ATRNL1: variants seen among roughly 807,000 people sequenced by gnomAD.
The protein encoded by ATRNL1 is attractin like 1, also known as attractin-like protein 1.
ATRNL1 carries 95 observed loss-of-function variants against 182.7 expected under a neutral mutation model. That is an observed-to-expected ratio of 0.52 (90% CI 0.44 to 0.62). The LOEUF is 0.62. Among genes scored for constraint, ATRNL1 ranks in the 20% least tolerant of loss-of-function variants. The probability of loss-of-function intolerance (pLI) is 0.00; values close to 1 mark genes in which losing one functional copy is unlikely to be tolerated. For missense variants in ATRNL1, 1,471 were observed against 1,679.5 expected (o/e 0.88, Z 2.17); for synonymous variants, 576 against 568.3 (o/e 1.01, Z -0.19).
At chr10:115,474,559 T>A (rs782087222) in intron 24 of ATRNL1, among the ~76,000 whole-genome samples, 13 of 150,984 alleles carry the variant, frequency 8.6e-5, no homozygotes, top group Non-Finnish European at 1.5e-4. Flanking sequence ...CTGTTGTGGG[T>A]GAAATAGAGC....
At chr10:115,634,817 G>A (rs1245485030) in intron 26 of ATRNL1, among the ~76,000 whole-genome samples, 4 of 151,876 alleles carry the variant, frequency 2.6e-5, no homozygotes, top group Admixed American at 6.6e-5. Context: ...TAGATGTGCC[G>A]GCAAGATGGC....
In ATRNL1 at chr10:115,763,477, G is replaced by A. The variant is rs554893354; in HGVS notation, c.3903+36122G>A. Among the ~76,000 whole-genome samples the A allele has an allele frequency of 9.2e-5, 14 of 152,268 alleles. No individual in the cohort carries two copies. The South Asian group carries it at 2.9e-3, about 32-fold the overall frequency. On this transcript the variant is annotated intron_variant, in intron 27 of 28. Coordinates refer to ENST00000355044, the MANE Select transcript of ATRNL1 (RefSeq NM_207303.4). ...GAGCAGGATCTTGAAAAAGAAAAAA[G>A]ATAAATTTCCCTAGTGAACAGAGGG... is the stretch of plus-strand genomic sequence containing the variant.
At chr10:115,848,739 A>T (rs1358296554) in intron 28 of ATRNL1, among the ~76,000 whole-genome samples, 1 of 152,096 alleles carries the variant, frequency 6.6e-6, no homozygotes, top group Non-Finnish European at 1.5e-5. Flanking sequence ...CTTTTTGCAT[A>T]TACTATTCCA....
chr10:115,097,589 G>T (rs1554863470), intron 1 of ATRNL1, among the ~76,000 whole-genome samples: 1 of 152,036 alleles, frequency 6.6e-6, no homozygotes, highest in African/African-American at 2.4e-5. Context: ...AGACAAAAAC[G>T]GGCAGAATAA....
Position 115,268,320 on chromosome 10 carries a change from T to C in ATRNL1, c.1982-6T>C. 6.4e-7 allele frequency: 1 copy of C among 1,561,944 alleles called. No homozygotes were observed. Among genetic ancestry groups the C allele is most frequent in the Non-Finnish European group, 8.8e-7 (1 of 1,132,734 alleles). ...GCTGATATATCGTCCCCCATTTGTA[T>C]TATAGCTGCTTCTGATGACAGATGT... On this transcript the variant is annotated splice_region_variant and splice_polypyrimidine_tract_variant and intron_variant, in intron 12 of 28. Transcript: ENST00000355044.
Position 115,272,046 on chromosome 10 carries a change from C to T in ATRNL1, c.2100+3602C>T, listed in dbSNP as rs549162378. ...TCCACCTCCATTCTCACTCTTGCTC[C>T]TATTCTGCCATGTGAGATGCTTACT... On this transcript the variant is annotated intron_variant, in intron 13 of 28. Coordinates refer to ENST00000355044, the MANE Select transcript of ATRNL1 (RefSeq NM_207303.4). 5.3e-5 allele frequency among the ~76,000 whole-genome samples: 8 copies of T among 152,314 alleles called. No individual in the cohort carries two copies. The East Asian group carries it at 1.4e-3, about 26-fold the overall frequency.
At chr10:115,118,540 A>T (rs1564748209) in intron 1 of ATRNL1, among the ~76,000 whole-genome samples, 2 of 152,014 alleles carry the variant, frequency 1.3e-5, no homozygotes, top group Non-Finnish European at 2.9e-5. Context: ...CCTACAGTTG[A>T]GGTAAAGGCT....
chr10:115,886,970 C>T (rs1960133439), intron 28 of ATRNL1, among the ~76,000 whole-genome samples: 4 of 152,188 alleles, frequency 2.6e-5, no homozygotes. Flanking sequence ...GTTTACCCTT[C>T]ATTTTTAATA....
chr10:115,416,363 T>C (rs1218893883), intron 20 of ATRNL1, among the ~76,000 whole-genome samples: 2 of 152,150 alleles, frequency 1.3e-5, no homozygotes, highest in East Asian at 3.8e-4. Context: ...ATTTAACTCA[T>C]AAAATTTGAA....
At chr10:115,368,363 A>T (rs939935177) in intron 19 of ATRNL1, among the ~76,000 whole-genome samples, 19 of 152,210 alleles carry the variant, frequency 1.2e-4, no homozygotes, top group African/African-American at 4.3e-4. Flanking sequence ...AGTGAGGCAA[A>T]GCCTCGCCCT....
chr10:115,350,336 A>AAAAAAAAAAAT (rs1856181385), intron 19 of ATRNL1, among the ~76,000 whole-genome samples: 1 of 80,070 alleles, frequency 1.2e-5, no homozygotes, highest in Non-Finnish European at 2.9e-5. Context: ...CTCTGTCTCA[A>AAAAAAAAAAAT]AAAAAAAAAG....
chr10:115,517,124 T>A (rs1467865107), intron 24 of ATRNL1, among the ~76,000 whole-genome samples: 1 of 151,996 alleles, frequency 6.6e-6, no homozygotes, highest in African/African-American at 2.4e-5. Flanking sequence ...GTCTCTTTGA[T>A]CAGATAACTT....
chr10:115,545,204 C>G (rs2133798164), intron 25 of ATRNL1, among the ~76,000 whole-genome samples: 1 of 137,864 alleles, frequency 7.3e-6, no homozygotes, highest in East Asian at 2.1e-4. Flanking sequence ...CACTGCACTC[C>G]AGCCTGGGTG....
intron 19 of ATRNL1, among the ~76,000 whole-genome samples, chr10:115,385,801 A>G (rs1357171693): frequency 6.6e-6 from 1 of 152,100 alleles, no homozygotes. Flanking sequence ...TTCTAGCACC[A>G]TTTGTTGAAA....
At chr10:115,387,808 T>C (rs1554953096) in intron 19 of ATRNL1, among the ~76,000 whole-genome samples, 1 of 152,222 alleles carries the variant, frequency 6.6e-6, no homozygotes, top group East Asian at 1.9e-4. Flanking sequence ...TATGGATATT[T>C]TATCATTTAT....
chr10:115,460,186 A>G (rs1393016427), intron 21 of ATRNL1, among the ~76,000 whole-genome samples: 3 of 152,124 alleles, frequency 2.0e-5, no homozygotes, highest in African/African-American at 7.2e-5. Flanking sequence ...CTACGAAGAC[A>G]ATTTCCTGCC....
At chr10:115,791,772 G>T (rs1293675521) in intron 27 of ATRNL1, among the ~76,000 whole-genome samples, 1 of 151,990 alleles carries the variant, frequency 6.6e-6, no homozygotes, top group African/African-American at 2.4e-5. Context: ...ACCACTACTA[G>T]ATGTTTAGAT....
At position 115,187,051 on chromosome 10, in the gene ATRNL1, A is replaced by G. The variant is rs563654207; in HGVS notation, c.1348+15759A>G. 7.2e-5 allele frequency among the ~76,000 whole-genome samples: 11 copies of G among 152,240 alleles called. No homozygotes were observed. The East Asian group carries it at 2.1e-3, about 29-fold the overall frequency. On this transcript the variant is annotated intron_variant, in intron 8 of 28. Coordinates refer to ENST00000355044, the MANE Select transcript of ATRNL1 (RefSeq NM_207303.4). ...AGTCATCAGGGAAATGCAAATTAAAACTACAATGATCTATGATCTCTCCCC... is the reference window on the plus strand; with the variant it reads ...AGTCATCAGGGAAATGCAAATTAAAGCTACAATGATCTATGATCTCTCCCC...
intron 24 of ATRNL1, among the ~76,000 whole-genome samples, chr10:115,492,596 T>C (rs554240717): frequency 1.4e-5 from 2 of 147,106 alleles, no homozygotes; most frequent in Non-Finnish European, 3.0e-5. Flanking sequence ...TTATATATTA[T>C]ATATATTATA....
Sources: allele counts gnomAD v4.1 joint callset (sites outside exome capture counted in the v4.1 genomes callset), GRCh38; gene constraint gnomAD v4.1.1; transcripts MANE v1.5; gene names NCBI Gene and HGNC (gene_info 2026-07-23, HGNC 2026-07-21).